Variants in ARHGEF38 observed in about 807,000 individuals in gnomAD.
ARHGEF38 encodes Rho guanine nucleotide exchange factor (GEF) 38.
In ARHGEF38, 79 loss-of-function variants were observed where a neutral mutation model predicts 79.9. That is an observed-to-expected ratio of 0.99 (90% CI 0.82 to 1.19). The LOEUF (loss-of-function observed/expected upper bound fraction) is 1.19, where lower values mean the gene tolerates loss of function less well. Among genes scored for constraint, ARHGEF38 ranks in the 50% most tolerant of loss-of-function variants. ARHGEF38 has a pLI of 0.00. For synonymous variants in ARHGEF38, 366 were observed against 328.3 expected (o/e 1.11, Z -1.24); for missense variants, 962 against 907.2 (o/e 1.06, Z -0.78).
chr4:105,647,210 T>C (rs941245678), intron 6 of ARHGEF38, among the ~76,000 whole-genome samples: 3 of 152,208 alleles, frequency 2.0e-5, no homozygotes, highest in African/African-American at 7.2e-5. Flanking sequence ...GATTCCAGTT[T>C]GCATAGCTAA....
rs569326738 is a variant in ARHGEF38 at position 105,679,829 on chromosome 4, AT to A, written c.*1893del. 3.3e-3 allele frequency: 4,327 copies of A among 1,314,374 alleles called. 9 individuals are homozygous for A. Among genetic ancestry groups the A allele is most frequent in the Non-Finnish European group, 4.3e-3 (3,927 of 912,530 alleles). The allele number at this position is 1,314,374 out of a possible 1,614,324, so 81.4% of individuals were successfully genotyped here. A position where few individuals can be genotyped will look rare whatever the true frequency, so the allele number is the denominator to read the frequency against. ...TCCAGAGAGATGGATATAGGACTCA[AT>A]ATCCTGAGGAGGAGAACTTTGAATC... is the stretch of plus-strand genomic sequence containing the variant. On this transcript the variant is annotated 3_prime_UTR_variant, in exon 14 of 14. Coordinates refer to ENST00000420470, the MANE Select transcript of ARHGEF38 (RefSeq NM_001242729.2).
intron 3 of ARHGEF38, among the ~76,000 whole-genome samples, chr4:105,617,743 T>C (rs1178744010): frequency 2.0e-5 from 3 of 152,086 alleles, no homozygotes; most frequent in Admixed American, 6.6e-5. Flanking sequence ...AAAAACAAAA[T>C]TGCAAATAGG....
chr4:105,674,940 T>C (rs1195015159), intron 13 of ARHGEF38, among the ~76,000 whole-genome samples: 2 of 152,104 alleles, frequency 1.3e-5, no homozygotes, highest in Non-Finnish European at 2.9e-5. Context: ...GGTAAAGCAT[T>C]ACCTATTATT....
At chr4:105,630,825 T>C in intron 3 of ARHGEF38, 73 bp from the exon 4 acceptor site, 1 of 1,360,628 alleles carries the variant, frequency 7.3e-7, no homozygotes, top group Non-Finnish European at 1.0e-6. Context: ...CGAGTCGACA[T>C]TGTTGAAAAT....
chr4:105,614,911 T>G (rs1263194879), intron 3 of ARHGEF38, among the ~76,000 whole-genome samples: 1 of 152,188 alleles, frequency 6.6e-6, no homozygotes, highest in Non-Finnish European at 1.5e-5. Context: ...GTGGGTATAA[T>G]ACACCATCAA....
chr4:105,640,475 A>G (rs962488752), intron 5 of ARHGEF38, among the ~76,000 whole-genome samples: 7 of 152,116 alleles, frequency 4.6e-5, no homozygotes, highest in African/African-American at 9.7e-5. Context: ...TATGTATGCT[A>G]TCAATTTCAT....
chr4:105,665,263 G>A (rs958434495), intron 10 of ARHGEF38, among the ~76,000 whole-genome samples: 3 of 152,172 alleles, frequency 2.0e-5, no homozygotes, highest in South Asian at 2.1e-4. Flanking sequence ...GGGAGGCCGA[G>A]GCGGGCGGAT....
intron 13 of ARHGEF38, among the ~76,000 whole-genome samples, chr4:105,672,675 C>T (rs1019405817): frequency 6.6e-6 from 1 of 152,156 alleles, no homozygotes; most frequent in Non-Finnish European, 1.5e-5. Context: ...GTCAGGAGTC[C>T]AAGCACGGTT....
rs115945127 is a variant in ARHGEF38, at chr4:105,586,062, G to A, written c.197-3186G>A. ...GTTGCTTCATCCAGAAATAAAAGAC[G>A]GGCTATAGCTGACTGCTGATTTGGG... On this transcript the variant is annotated intron_variant, in intron 1 of 13. Transcript: ENST00000420470. 2.0e-3 allele frequency among the ~76,000 whole-genome samples: 299 copies of A among 151,952 alleles called. 2 individuals are homozygous for A. Among genetic ancestry groups the A allele is most frequent in the African/African-American group, 5.6e-3 (230 of 41,394 alleles).
intron 2 of ARHGEF38, among the ~76,000 whole-genome samples, chr4:105,590,619 A>T (rs1482547682): frequency 6.6e-6 from 1 of 152,160 alleles, no homozygotes; most frequent in African/African-American, 2.4e-5. Context: ...ACAGTGGTTG[A>T]GATGTTTTGG....
At chr4:105,612,737 C>G (rs1232336221) in intron 2 of ARHGEF38, among the ~76,000 whole-genome samples, 1 of 151,988 alleles carries the variant, frequency 6.6e-6, no homozygotes, top group Non-Finnish European at 1.5e-5. Flanking sequence ...TACATAGAAG[C>G]TTCTCAGAAA....
At chr4:105,559,571 G>A (rs1018257996) in intron 1 of ARHGEF38, among the ~76,000 whole-genome samples, 1 of 152,098 alleles carries the variant, frequency 6.6e-6, no homozygotes, top group Non-Finnish European at 1.5e-5. Flanking sequence ...AGGGATATGA[G>A]AAATCTAAAT....
chr4:105,556,213 A>C (rs1374565660), intron 1 of ARHGEF38, among the ~76,000 whole-genome samples: 1 of 152,206 alleles, frequency 6.6e-6, no homozygotes, highest in Non-Finnish European at 1.5e-5. Flanking sequence ...TGGTAAATTG[A>C]CATTTATTGA....
chr4:105,566,636 T>G (rs938156785), intron 1 of ARHGEF38, among the ~76,000 whole-genome samples: 1 of 152,236 alleles, frequency 6.6e-6, no homozygotes. Flanking sequence ...CACCCTATTG[T>G]GTTAGCAAAT....
intron 1 of ARHGEF38, among the ~76,000 whole-genome samples, chr4:105,554,179 A>G (rs183136297): frequency 1.3e-5 from 2 of 152,226 alleles, no homozygotes; most frequent in Admixed American, 1.3e-4. Context: ...CAATAGATAC[A>G]TTGGAAAGAA....
chr4:105,643,255 T>C (rs1729696683), intron 5 of ARHGEF38, among the ~76,000 whole-genome samples: 1 of 152,034 alleles, frequency 6.6e-6, no homozygotes, highest in African/African-American at 2.4e-5. Flanking sequence ...CCCTCCCTCT[T>C]TCCGAGTCTC....
chr4:105,613,579 G>T, intron 3 of ARHGEF38, 72 bp downstream of exon 3: 4 of 1,559,140 alleles, frequency 2.6e-6, no homozygotes, highest in South Asian at 2.4e-5. Context: ...CTTTGCTTTG[G>T]TTTTTTGTTC....
chr4:105,578,457 T>A (rs911681187), intron 1 of ARHGEF38, among the ~76,000 whole-genome samples: 5 of 152,210 alleles, frequency 3.3e-5, no homozygotes, highest in Admixed American at 6.5e-5. Flanking sequence ...AGAATATAAG[T>A]TAAGTCTGTT....
chr4:105,673,764 G>GGTTTTGTTTT (rs368317714), intron 13 of ARHGEF38, among the ~76,000 whole-genome samples: 2 of 151,996 alleles, frequency 1.3e-5, no homozygotes, highest in South Asian at 2.1e-4. Flanking sequence ...CAGTTGGGTG[G>GGTTTTGTTTT]GTTTTGTTTT....
Sources: allele counts gnomAD v4.1 joint callset (sites outside exome capture counted in the v4.1 genomes callset), GRCh38; gene constraint gnomAD v4.1.1; transcripts MANE v1.5; gene names NCBI Gene and HGNC (gene_info 2026-07-23, HGNC 2026-07-21).